MGAT4A: variants seen among roughly 807,000 people sequenced by gnomAD.
MGAT4A encodes the protein N-acetylglucosaminyltransferase IVa.
Under a neutral mutation model 74.1 loss-of-function variants are expected in MGAT4A, and 33 were observed. That is an observed-to-expected ratio of 0.45 (90% CI 0.34 to 0.60). The LOEUF (loss-of-function observed/expected upper bound fraction) is 0.60. MGAT4A is among the 20% of genes least tolerant of loss of function. The pLI, the probability that MGAT4A is intolerant of heterozygous loss-of-function variation, is 0.02. For synonymous variants in MGAT4A, 198 were observed against 210.4 expected (o/e 0.94, Z 0.51); for missense variants, 479 against 628.3 (o/e 0.76, Z 2.54).
intron 14 of MGAT4A, among the ~76,000 whole-genome samples, chr2:98,627,454 C>T (rs1701162812): frequency 6.6e-6 from 1 of 152,178 alleles, no homozygotes; most frequent in Non-Finnish European, 1.5e-5. Context: ...CGGCTCACTG[C>T]AACCTCTGCT....
chr2:98,701,975 T>C (rs1381093480), intron 2 of MGAT4A, among the ~76,000 whole-genome samples: 1 of 152,162 alleles, frequency 6.6e-6, no homozygotes, highest in Non-Finnish European at 1.5e-5. Flanking sequence ...GTCTAACTTC[T>C]AGCATAACAG....
intron 2 of MGAT4A, among the ~76,000 whole-genome samples, chr2:98,712,408 ACTC>A (rs1702530742): frequency 6.6e-6 from 1 of 151,948 alleles, no homozygotes; most frequent in Non-Finnish European, 1.5e-5. Flanking sequence ...CATGAGAAAG[ACTC>A]CTTTTTAAAA....
At chr2:98,658,180 C>A in intron 6 of MGAT4A, 38 bp downstream of exon 6, 1 of 1,382,720 alleles carries the variant, frequency 7.2e-7, no homozygotes, top group South Asian at 1.2e-5. Flanking sequence ...ATAATAGTAA[C>A]CAAAATATTT....
rs148775129 is a variant in MGAT4A at position 98,682,697 on chromosome 2, G to C, written c.95-4226C>G. On this transcript the variant is annotated intron_variant, in intron 2 of 15. Transcript: ENST00000393487. ...CACGTGCCTCGTGAAGTGAACCCCAGAGGACACCCCTCATGTGGGATTCCT... is the reference window on the plus strand; with the variant it reads ...CACGTGCCTCGTGAAGTGAACCCCACAGGACACCCCTCATGTGGGATTCCT... 1.4e-4 allele frequency among the ~76,000 whole-genome samples: 20 copies of C among 142,240 alleles called. 1 individual carries two copies. In the East Asian group the frequency reaches 3.9e-3, roughly 28 times the overall value. The allele number at this position is 142,240 out of a possible 152,430, so 93.3% of individuals were successfully genotyped here. A position where few individuals can be genotyped will look rare whatever the true frequency, so the allele number is the denominator to read the frequency against.
intron 4 of MGAT4A, among the ~76,000 whole-genome samples, chr2:98,673,044 G>A (rs1287044071): frequency 6.6e-6 from 1 of 151,958 alleles, no homozygotes; most frequent in Non-Finnish European, 1.5e-5. Flanking sequence ...GCTTGTAGTC[G>A]CTGGGTTTGT....
intron 3 of MGAT4A, among the ~76,000 whole-genome samples, chr2:98,676,790 T>C (rs1255001193): frequency 6.6e-6 from 1 of 152,166 alleles, no homozygotes; most frequent in Non-Finnish European, 1.5e-5. Flanking sequence ...CAGGCCATCA[T>C]ACACAATAAC....
intron 8 of MGAT4A, among the ~76,000 whole-genome samples, chr2:98,649,369 C>A (rs187692451): frequency 6.6e-6 from 1 of 152,116 alleles, no homozygotes; most frequent in Admixed American, 6.5e-5. Context: ...TCTGAGCATT[C>A]CACAGCCAGA....
intron 10 of MGAT4A, 75 bp from the exon 11 acceptor site, chr2:98,640,303 C>T: frequency 8.1e-7 from 1 of 1,228,888 alleles, no homozygotes; most frequent in Non-Finnish European, 1.2e-6. Flanking sequence ...AATGAGAAGT[C>T]CTTTATTAAA....
intron 14 of MGAT4A, among the ~76,000 whole-genome samples, chr2:98,632,757 G>T (rs1231100983): frequency 6.6e-6 from 1 of 152,048 alleles, no homozygotes; most frequent in Admixed American, 6.6e-5. Context: ...AGTAGCCCTT[G>T]GTTTTTGTCT....
chr2:98,663,546 A>G (rs1431834199), intron 4 of MGAT4A: 3 of 1,095,758 alleles, frequency 2.7e-6, no homozygotes, highest in Non-Finnish European at 3.7e-6. Flanking sequence ...TGACATGCCG[A>G]GAAGAGCACA....
intron 2 of MGAT4A, among the ~76,000 whole-genome samples, chr2:98,709,934 C>T (rs555325914): frequency 2.6e-5 from 4 of 152,322 alleles, no homozygotes; most frequent in African/African-American, 9.6e-5. Flanking sequence ...CCTATTAGAA[C>T]TTCACTTTAG....
At chr2:98,630,690 G>A (rs752816629) in intron 14 of MGAT4A, among the ~76,000 whole-genome samples, 2 of 152,116 alleles carry the variant, frequency 1.3e-5, no homozygotes, top group Non-Finnish European at 2.9e-5. Flanking sequence ...TGTGTGTGAC[G>A]ATGTGTTGTT....
intron 3 of MGAT4A, 57 bp downstream of exon 3, chr2:98,678,247 A>ATATATATATATATATAT (rs1259884597): frequency 5.8e-6 from 2 of 345,010 alleles, no homozygotes; most frequent in African/African-American, 2.9e-5. Context: ...AAAAAAAAAA[A>ATATATATATATATATAT]AAATATATAT....
chr2:98,669,978 G>C (rs1181840553), intron 4 of MGAT4A, among the ~76,000 whole-genome samples: 1 of 152,170 alleles, frequency 6.6e-6, no homozygotes, highest in Admixed American at 6.5e-5. Context: ...TGGTGGACAC[G>C]TACTATGAGC....
chr2:98,673,891 A>C (rs757849864), intron 4 of MGAT4A, among the ~76,000 whole-genome samples: 17 of 152,218 alleles, frequency 1.1e-4, no homozygotes, highest in Non-Finnish European at 2.5e-4. Context: ...TTCTAAAAAA[A>C]ACAAAAAACA....
chr2:98,628,268 C>T (rs1701175781), intron 14 of MGAT4A, among the ~76,000 whole-genome samples: 1 of 152,224 alleles, frequency 6.6e-6, no homozygotes, highest in African/African-American at 2.4e-5. Context: ...GTCAATTCCT[C>T]AGGAGCCAAG....
Position 98,658,242 on chromosome 2 carries a change from C to T in MGAT4A, c.560G>A (p.Gly187Asp). The change falls in exon 6 of 16, where the codon GGT (glycine) becomes GAT (aspartate). Residue 187 changes from glycine (G) to aspartate (D), a missense_variant. Physicochemically the swap from Gly to Asp is moderately conservative, Grantham distance 94 (BLOSUM62 -1). Transcript: ENST00000393487. The stretch of plus-strand genomic sequence containing the variant: ...CTCTTTCTCCAGGTTGGCTACAACA[C>T]CATGTACATAATCAATATCTGTCTG... ...IGETDIDYVH[G>D]VVANLEKEFS... The T allele has an allele frequency of 6.4e-7, 1 of 1,571,062 alleles. No homozygotes were observed.
At chr2:98,646,506 A>G (rs187382203) in intron 8 of MGAT4A, among the ~76,000 whole-genome samples, 24 of 152,256 alleles carry the variant, frequency 1.6e-4, no homozygotes, top group Admixed American at 2.6e-4. Context: ...CAGGAGTTCA[A>G]GATGAGCCTA....
intron 8 of MGAT4A, among the ~76,000 whole-genome samples, chr2:98,654,672 C>T (rs986617487): frequency 1.3e-5 from 2 of 152,092 alleles, no homozygotes; most frequent in African/African-American, 4.8e-5. Flanking sequence ...GGAAAGACAT[C>T]TTGTGCTCAT....
Sources: gnomAD v4.1 joint callset for allele counts (sites outside exome capture counted in the v4.1 genomes callset) on GRCh38, gnomAD v4.1.1 for gene constraint, MANE v1.5 for transcripts, NCBI Gene and HGNC (gene_info 2026-07-23, HGNC 2026-07-21) for gene names.